PRLR: variants seen among roughly 807,000 people sequenced by gnomAD.
The protein encoded by PRLR is hPRL receptor.
Under a neutral mutation model 40.2 loss-of-function variants are expected in PRLR, and 13 were observed. That is an observed-to-expected ratio of 0.32 (90% confidence interval 0.21 to 0.51). The LOEUF (loss-of-function observed/expected upper bound fraction) is 0.51. Ranked by LOEUF, PRLR falls within the 20% of genes least tolerant of loss-of-function variation. PRLR has a pLI of 0.97. For missense variants in PRLR, 656 were observed against 747.3 expected (o/e 0.88, Z 1.42); for synonymous variants, 269 against 278.7 (o/e 0.97, Z 0.35).
intron 2 of PRLR, among the ~76,000 whole-genome samples, chr5:35,090,876 T>C (rs1006180361): frequency 7.1e-6 from 1 of 141,742 alleles, no homozygotes; most frequent in Non-Finnish European, 1.5e-5. Flanking sequence ...AGTGGCGCGA[T>C]CTGGGCTCAC....
intron 1 of PRLR, among the ~76,000 whole-genome samples, chr5:35,120,555 G>A (rs1773254159): frequency 6.6e-6 from 1 of 152,150 alleles, no homozygotes; most frequent in Admixed American, 6.5e-5. Context: ...TACCATTATG[G>A]GGTGGGGAGA....
intron 4 of PRLR, among the ~76,000 whole-genome samples, chr5:35,085,245 A>G (rs767059360): frequency 2.6e-5 from 4 of 152,174 alleles, no homozygotes; most frequent in Non-Finnish European, 5.9e-5. Flanking sequence ...GATACACTGC[A>G]CAGGGGTGGA....
At chr5:35,086,085 C>T (rs768364972) in intron 4 of PRLR, 123 bp downstream of exon 4, 86 of 1,207,158 alleles carry the variant, frequency 7.1e-5, no homozygotes, top group Non-Finnish European at 8.7e-5. Context: ...CCCCTTTCCC[C>T]GGTGGTATGA....
At chr5:35,201,826 A>G (rs1464444983) in intron 1 of PRLR, among the ~76,000 whole-genome samples, 1 of 152,184 alleles carries the variant, frequency 6.6e-6, no homozygotes, top group Non-Finnish European at 1.5e-5. Flanking sequence ...AAGTATTTAG[A>G]GACAGGATGG....
intron 1 of PRLR, among the ~76,000 whole-genome samples, chr5:35,227,267 G>A (rs1323673332): frequency 2.0e-5 from 3 of 152,148 alleles, no homozygotes; most frequent in South Asian, 4.2e-4. Context: ...ATCTTAATCC[G>A]GTTGGCTGAT....
chr5:35,058,256 T>C lies in PRLR; in HGVS notation c.*6833A>G, dbSNP rs1768830161. On this transcript the variant is annotated 3_prime_UTR_variant, in exon 10 of 10. Transcript: ENST00000618457. The stretch of plus-strand genomic sequence containing the variant: ...AGGAAAAGCAGAGGTAGTGGTAGCT[T>C]TGAAAATGTGGAACCTTATGCTATT... 6.6e-6 allele frequency: 1 copy of C among 152,156 alleles called. No individual in the cohort carries two copies. The highest frequency in any genetic ancestry group is 2.1e-4 in the South Asian group (1 of 4,828). 9.4% of individuals were successfully genotyped at this position (152,156 alleles called of 1,614,324 possible). A position where few individuals can be genotyped will look rare whatever the true frequency, so the allele number is the denominator to read the frequency against.
exon 9 of PRLR, chr5:35,049,121 A>G (rs1308474270): frequency 1.4e-6 from 1 of 694,002 alleles, no homozygotes; most frequent in Non-Finnish European, 2.6e-6. Flanking sequence ...CTTTGGGGGC[A>G]GTAGGGAGTG....
At chr5:35,049,913 T>A (rs187068869) in intron 8 of PRLR, among the ~76,000 whole-genome samples, 195 of 150,360 alleles carry the variant, frequency 1.3e-3, no homozygotes, top group African/African-American at 4.6e-3. Context: ...CTTTTTTTTT[T>A]TTTTTTTTTT....
intron 1 of PRLR, among the ~76,000 whole-genome samples, chr5:35,188,730 C>G (rs1775514903): frequency 6.6e-6 from 1 of 152,226 alleles, no homozygotes; most frequent in Non-Finnish European, 1.5e-5. Context: ...CGAGGCCACA[C>G]TAATACAAAC....
chr5:35,198,184 G>A (rs539634376), intron 1 of PRLR, among the ~76,000 whole-genome samples: 3 of 152,302 alleles, frequency 2.0e-5, no homozygotes, highest in African/African-American at 4.8e-5. Context: ...CCTCAGTGCC[G>A]CTCCGACTGC....
At position 35,097,616 on chromosome 5, in the gene PRLR, C is replaced by T. The variant is rs1273418087; in HGVS notation, c.-43-7953G>A. On this transcript the variant is annotated intron_variant, in intron 2 of 9. Transcript: ENST00000618457. ...CTGGCTGTGAGGAGTGGGGACAGGT[C>T]AGAGGACCTTGGGGTCGTAGATTCT... Among the ~76,000 whole-genome samples, 4 of 152,006 alleles carry T rather than the reference C, an allele frequency of 2.6e-5. No homozygotes were observed. In the East Asian group the frequency reaches 7.8e-4, roughly 30 times the overall value.
chr5:35,071,348 G>A (rs1769735482), intron 6 of PRLR, among the ~76,000 whole-genome samples: 1 of 152,188 alleles, frequency 6.6e-6, no homozygotes, highest in African/African-American at 2.4e-5. Context: ...TGGTCTACGA[G>A]CAGATTCTGG....
At chr5:35,176,688 G>A (rs1197516512) in intron 1 of PRLR, among the ~76,000 whole-genome samples, 3 of 152,138 alleles carry the variant, frequency 2.0e-5, no homozygotes, top group Admixed American at 1.3e-4. Flanking sequence ...GCGGAAGGCC[G>A]CAGGGACCTC....
intron 2 of PRLR, among the ~76,000 whole-genome samples, chr5:35,109,166 G>C (rs1772477124): frequency 6.6e-6 from 1 of 152,238 alleles, no homozygotes; most frequent in South Asian, 2.1e-4. Context: ...CTAGCCATAT[G>C]TAGAAAGTTG....
At chr5:35,143,613 T>G (rs546758141) in intron 1 of PRLR, among the ~76,000 whole-genome samples, 1 of 152,342 alleles carries the variant, frequency 6.6e-6, no homozygotes, top group South Asian at 2.1e-4. Context: ...AATGTAAACT[T>G]GAGGGCAGGA....
At chr5:35,100,844 C>T (rs77432958) in intron 2 of PRLR, among the ~76,000 whole-genome samples, 1 of 152,192 alleles carries the variant, frequency 6.6e-6, no homozygotes, top group Non-Finnish European at 1.5e-5. Flanking sequence ...GTCCTAAAAG[C>T]TCAGTACAGC....
At position 35,059,683 on chromosome 5, in the gene PRLR, TG is replaced by T. The variant is rs1330964992; in HGVS notation, c.*5405del. 1 of 152,206 alleles carries T rather than the reference TG, an allele frequency of 6.6e-6. No individual in the cohort carries two copies. Among genetic ancestry groups the T allele is most frequent in the Non-Finnish European group, 1.5e-5 (1 of 68,040 alleles). The allele number at this position is 152,206 out of a possible 1,614,324, so 9.4% of individuals were successfully genotyped here. A position where few individuals can be genotyped will look rare whatever the true frequency, so the allele number is the denominator to read the frequency against. ...CTCACCATCCTGAAAAACAAAAGTC[TG>T]GGGAGAGAACTCCTGTTTTATTTTC... On this transcript the variant is annotated 3_prime_UTR_variant, in exon 10 of 10. Coordinates refer to ENST00000618457, the MANE Select transcript of PRLR (RefSeq NM_000949.7).
In PRLR at chr5:35,104,759, C is replaced by G. The variant is rs187123653; in HGVS notation, c.-44+13302G>C. Among the ~76,000 whole-genome samples the G allele has an allele frequency of 6.0e-4, 92 of 152,126 alleles. 1 individual carries two copies. In the South Asian group the frequency reaches 0.01, roughly 17 times the overall value. ...GGGTGGAGCCCACTGAGCTCAAGGA[C>G]GCCTGCCTGTCTCTGGATACTCCAC... On this transcript the variant is annotated intron_variant, in intron 2 of 9. Coordinates refer to ENST00000618457, the MANE Select transcript of PRLR (RefSeq NM_000949.7).
chr5:35,081,834 G>A, intron 5 of PRLR: 1 of 154,536 alleles, frequency 6.5e-6, no homozygotes, highest in Non-Finnish European at 1.4e-5. Flanking sequence ...GCTACACTAA[G>A]CACCAGGCTG....
Sources: allele counts gnomAD v4.1 joint callset (sites outside exome capture counted in the v4.1 genomes callset), GRCh38; gene constraint gnomAD v4.1.1; transcripts MANE v1.5; gene names NCBI Gene and HGNC (gene_info 2026-07-23, HGNC 2026-07-21).